Variants in MYH15 observed in about 807,000 individuals in gnomAD.
The protein encoded by MYH15 is myosin-15.
A neutral mutation model predicts 240.5 loss-of-function variants in MYH15; 227 were observed. That is an observed-to-expected ratio of 0.94 (90% confidence interval 0.85 to 1.05). The LOEUF (loss-of-function observed/expected upper bound fraction) is 1.05, where lower values mean the gene tolerates loss of function less well. Ranked by LOEUF, MYH15 falls within the 50% of genes least tolerant of loss-of-function variation. MYH15 has a pLI of 0.00. For synonymous variants in MYH15, 785 were observed against 796.7 expected (o/e 0.99, Z 0.25); for missense variants, 2,217 against 2,247.5 (o/e 0.99, Z 0.27).
chr3:108,418,757 G>GTGA (rs1553765237), intron 28 of MYH15, among the ~76,000 whole-genome samples: 1 of 150,970 alleles, frequency 6.6e-6, no homozygotes, highest in Admixed American at 6.6e-5. Flanking sequence ...TCAGCCTCCC[G>GTGA]TGTTGTTGTT....
intron 19 of MYH15, 146 bp from the exon 20 acceptor site, chr3:108,456,005 T>A: frequency 1.2e-6 from 1 of 808,466 alleles, no homozygotes; most frequent in Non-Finnish European, 1.9e-6. Context: ...TTAGTAACAA[T>A]AATGAGGGTA....
chr3:108,537,831 T>A, the MYH15 span, among the ~76,000 whole-genome samples: 1 of 152,142 alleles, frequency 6.6e-6, no homozygotes, highest in East Asian at 1.9e-4. Context: ...ATAATTAAAA[T>A]GGGAAGAAAA....
intron 28 of MYH15, among the ~76,000 whole-genome samples, chr3:108,420,237 GTGT>G (rs2082671525): frequency 6.6e-6 from 1 of 152,216 alleles, no homozygotes; most frequent in Non-Finnish European, 1.5e-5. Context: ...ATGCCAGGCA[GTGT>G]TCTAGATGAT....
chr3:108,509,814 T>A (rs2083508494), intron 1 of MYH15, among the ~76,000 whole-genome samples: 2 of 152,202 alleles, frequency 1.3e-5, no homozygotes, highest in Admixed American at 1.3e-4. Flanking sequence ...TAGCCTTTTT[T>A]TTTTAAGGCT....
intron 11 of MYH15, among the ~76,000 whole-genome samples, chr3:108,477,586 G>A (rs1303738010): frequency 6.6e-6 from 1 of 152,142 alleles, no homozygotes; most frequent in African/African-American, 2.4e-5. Context: ...CTCTTTCTAT[G>A]TATGTACTTG....
At chr3:108,462,126 T>C (rs1339869504) in intron 16 of MYH15, among the ~76,000 whole-genome samples, 1 of 152,130 alleles carries the variant, frequency 6.6e-6, no homozygotes, top group Non-Finnish European at 1.5e-5. Context: ...TGAAGGCCAG[T>C]TTCTGCTCAG....
chr3:108,503,419 G>C (rs2083452822), intron 2 of MYH15, among the ~76,000 whole-genome samples: 1 of 152,146 alleles, frequency 6.6e-6, no homozygotes, highest in African/African-American at 2.4e-5. Context: ...TAAGGGATTT[G>C]CAACCAGAAA....
intron 26 of MYH15, 111 bp from the exon 27 acceptor site, chr3:108,428,992 T>G (rs2082752936): frequency 9.1e-7 from 1 of 1,102,994 alleles, no homozygotes. Context: ...AATTTACAAC[T>G]AAAGAAAACA....
rs1267573082 is a variant in MYH15 at position 108,437,691 on chromosome 3, AC to A, written c.3083del (p.Gly1028ValfsTer11). 1 of 1,611,096 alleles carries A rather than the reference AC, an allele frequency of 6.2e-7. No individual in the cohort carries two copies. Among genetic ancestry groups the A allele is most frequent in the South Asian group, 1.1e-5 (1 of 90,288 alleles). On this transcript the variant is annotated frameshift_variant, in exon 25 of 41. Coordinates refer to ENST00000693548, the MANE Select transcript of MYH15 (RefSeq NM_014981.3). LOFTEE classifies it high-confidence loss of function. ...TCGCTTTTCTCTCCTGCTCAAGGGCACCCTCAAGCTGACAAAAGGAAACATT... is the reference window on the plus strand; with the variant it reads ...TCGCTTTTCTCTCCTGCTCAAGGGCACCTCAAGCTGACAAAAGGAAACATT... ...KLEQQVDELE[G>X]ALEQERKARM...
intron 9 of MYH15, among the ~76,000 whole-genome samples, chr3:108,487,387 C>A (rs1434587866): frequency 6.6e-6 from 1 of 152,172 alleles, no homozygotes; most frequent in African/African-American, 2.4e-5. Flanking sequence ...TAACCATCTG[C>A]AGTTGAATGG....
intron 23 of MYH15, 29 bp from the exon 24 acceptor site, chr3:108,439,942 A>G: frequency 6.6e-7 from 1 of 1,518,272 alleles, no homozygotes; most frequent in Non-Finnish European, 8.8e-7. Flanking sequence ...AGCTTCATTA[A>G]AGCCACTGCT....
chr3:108,549,835 A>T, the MYH15 span: 1 of 151,890 alleles, frequency 6.6e-6, no homozygotes. Flanking sequence ...TGGTTCATTC[A>T]TTCATTTCTT....
chr3:108,533,380 C>A (rs1281351207), upstream of MYH15, among the ~76,000 whole-genome samples: 1 of 152,094 alleles, frequency 6.6e-6, no homozygotes, highest in East Asian at 1.9e-4. Flanking sequence ...GGGCAGTTTA[C>A]TTAATCCTTC....
At chr3:108,483,645 A>T (rs1383295447) in intron 11 of MYH15, among the ~76,000 whole-genome samples, 1 of 152,242 alleles carries the variant, frequency 6.6e-6, no homozygotes, top group Non-Finnish European at 1.5e-5. Context: ...TTTATATACT[A>T]ACATTCATAG....
chr3:108,489,750 G>C (rs897035407), intron 9 of MYH15, among the ~76,000 whole-genome samples: 1 of 152,140 alleles, frequency 6.6e-6, no homozygotes, highest in Non-Finnish European at 1.5e-5. Context: ...ATGCCCTCTT[G>C]TATTAAGCCT....
At chr3:108,431,884 G>C (rs1450364066) in intron 25 of MYH15, among the ~76,000 whole-genome samples, 1 of 152,214 alleles carries the variant, frequency 6.6e-6, no homozygotes, top group South Asian at 2.1e-4. Flanking sequence ...TTGGGAACCA[G>C]AGCAAAGGTG....
At chr3:108,508,155 C>G (rs1305672850) in intron 1 of MYH15, among the ~76,000 whole-genome samples, 1 of 152,180 alleles carries the variant, frequency 6.6e-6, no homozygotes, top group Admixed American at 6.5e-5. Flanking sequence ...CCTGCCTCCT[C>G]TAACACATTC....
intron 15 of MYH15, among the ~76,000 whole-genome samples, chr3:108,464,421 T>A (rs143027376): frequency 3.0e-4 from 46 of 152,258 alleles, no homozygotes; most frequent in African/African-American, 1.0e-3. Context: ...GTTGACAGAG[T>A]CCATTTGGAG....
chr3:108,404,393 A>T (rs912280634), intron 33 of MYH15, among the ~76,000 whole-genome samples: 9 of 152,168 alleles, frequency 5.9e-5, no homozygotes, highest in African/African-American at 1.9e-4. Context: ...GGCTCAAATG[A>T]TTTTTCTTGC....
Sources: gnomAD v4.1 joint callset for allele counts (sites outside exome capture counted in the v4.1 genomes callset) on GRCh38, gnomAD v4.1.1 for gene constraint, MANE v1.5 for transcripts, NCBI Gene and HGNC (gene_info 2026-07-23, HGNC 2026-07-21) for gene names.